Variants in GFM2 observed in about 807,000 individuals in gnomAD.
GFM2 encodes ribosome-releasing factor 2, mitochondrial.
A neutral mutation model predicts 95.4 loss-of-function variants in GFM2; 72 were observed. The observed-to-expected ratio is 0.76, with a 90% CI of 0.62 to 0.92. GFM2 has a LOEUF of 0.92. Among genes scored for constraint, GFM2 ranks in the 40% least tolerant of loss-of-function variants. The pLI is 0.00. For missense variants in GFM2, 825 were observed against 924.1 expected (o/e 0.89, Z 1.39); for synonymous variants, 276 against 317.5 (o/e 0.87, Z 1.39).
intron 2 of GFM2, among the ~76,000 whole-genome samples, chr5:74,762,978 C>T (rs1744357790): frequency 6.6e-6 from 1 of 152,096 alleles, no homozygotes; most frequent in Non-Finnish European, 1.5e-5. Context: ...TATTGTACTC[C>T]CTGTTAAGTC....
intron 2 of GFM2, among the ~76,000 whole-genome samples, chr5:74,762,107 A>G (rs544699148): frequency 6.6e-6 from 1 of 152,208 alleles, no homozygotes; most frequent in Non-Finnish European, 1.5e-5. Flanking sequence ...ATACAGAAAT[A>G]TATCTTCTTC....
chr5:74,751,498 C>T lies in GFM2; in HGVS notation c.305-5G>A. 1.2e-6 allele frequency: 2 copies of T among 1,605,294 alleles called. No homozygotes were observed. The highest frequency in any genetic ancestry group is 8.5e-7 in the Non-Finnish European group (1 of 1,172,616). ...CTGTGTCTCCATCATCAACATCTAGCCAGGAAAAAGATGATACAGTTTAGT... is the reference window on the plus strand; with the variant it reads ...CTGTGTCTCCATCATCAACATCTAGTCAGGAAAAAGATGATACAGTTTAGT... On this transcript the variant is annotated splice_region_variant and splice_polypyrimidine_tract_variant and intron_variant, in intron 5 of 20. Coordinates refer to ENST00000296805, the MANE Select transcript of GFM2 (RefSeq NM_032380.5).
chr5:74,747,235 T>G (rs1743433113), intron 8 of GFM2, among the ~76,000 whole-genome samples: 1 of 152,238 alleles, frequency 6.6e-6, no homozygotes, highest in Admixed American at 6.5e-5. Flanking sequence ...TACATTCTCT[T>G]CTTCCAGTTC....
In GFM2 at chr5:74,763,772, AAAAT is replaced by A. The variant is rs781432653; in HGVS notation, c.-24-10_-24-7del. The A allele has an allele frequency of 2.8e-5, 44 of 1,577,740 alleles. No homozygotes were observed. The highest frequency in any genetic ancestry group is 2.3e-4 in the African/African-American group (17 of 74,178). ...ATCCTCCAAACTGTTACTGTCTGAA[AAAAT>A]AAATATACAAAATCAAAAAACTAAA... On this transcript the variant is annotated splice_region_variant and splice_polypyrimidine_tract_variant and intron_variant, in intron 1 of 20. Coordinates refer to ENST00000296805, the MANE Select transcript of GFM2 (RefSeq NM_032380.5).
chr5:74,755,377 G>A (rs909651120), intron 5 of GFM2, among the ~76,000 whole-genome samples: 2 of 152,066 alleles, frequency 1.3e-5, no homozygotes, highest in Admixed American at 6.6e-5. Context: ...TAAATAACCT[G>A]CTCCTGAAAG....
At chr5:74,748,871 A>G (rs1014458539) in intron 7 of GFM2, among the ~76,000 whole-genome samples, 1 of 132,948 alleles carries the variant, frequency 7.5e-6, no homozygotes, top group African/African-American at 3.0e-5. Context: ...GTCTCAAAAT[A>G]AAATAAAATA....
chr5:74,725,783 A>G (rs754940538), intron 18 of GFM2, 28 bp from the exon 19 acceptor site: 1 of 1,535,388 alleles, frequency 6.5e-7, no homozygotes, highest in South Asian at 1.1e-5. Context: ...ATTGTATCAT[A>G]CTCTGCTAGA....
intron 1 of GFM2, among the ~76,000 whole-genome samples, chr5:74,765,904 C>T (rs952734667): frequency 6.6e-6 from 1 of 152,112 alleles, no homozygotes; most frequent in African/African-American, 2.4e-5. Context: ...GAGGCTGAAC[C>T]TGGAGAATCG....
chr5:74,761,238 C>T (rs1010309794), intron 2 of GFM2, among the ~76,000 whole-genome samples: 3 of 152,218 alleles, frequency 2.0e-5, no homozygotes, highest in Admixed American at 2.0e-4. Flanking sequence ...CAACCTGCAG[C>T]ATTAGCATGG....
Position 74,733,096 on chromosome 5 carries a change from A to C in GFM2, c.1513T>G (p.Leu505Val). ...TGAAGACATTTCAACGCATGTTCCA[A>C]ATCTATGGGATAAACAACTGTTATC... is the stretch of plus-strand genomic sequence containing the variant. ...EPPSLSKQPD[L>V]EHALKCLQRE... The change falls in exon 16 of 21, where the codon TTG (leucine) becomes GTG (valine). Residue 505 changes from leucine to valine, a missense_variant and splice_region_variant. By Grantham distance (32) the Leu-to-Val change is conservative (BLOSUM62 1). Coordinates refer to ENST00000296805, the MANE Select transcript of GFM2 (RefSeq NM_032380.5). 6.2e-7 allele frequency: 1 copy of C among 1,604,760 alleles called. No individual in the cohort carries two copies. Among genetic ancestry groups the C allele is most frequent in the Non-Finnish European group, 8.5e-7 (1 of 1,171,574 alleles).
At chr5:74,727,311 A>G (rs1002435805) in intron 17 of GFM2, among the ~76,000 whole-genome samples, 3 of 152,132 alleles carry the variant, frequency 2.0e-5, no homozygotes, top group East Asian at 3.9e-4. Flanking sequence ...AGCAACCACT[A>G]TCATATGTTA....
At chr5:74,727,644 G>C (rs1750209123) in intron 17 of GFM2, among the ~76,000 whole-genome samples, 2 of 152,260 alleles carry the variant, frequency 1.3e-5, no homozygotes, top group Non-Finnish European at 1.5e-5. Flanking sequence ...TTGGCCAGCA[G>C]AGTCTCTTCA....
At chr5:74,763,372 T>C (rs890923376) in intron 2 of GFM2, among the ~76,000 whole-genome samples, 1 of 152,236 alleles carries the variant, frequency 6.6e-6, no homozygotes, top group Non-Finnish European at 1.5e-5. Context: ...AGTTTAAAGA[T>C]GTGCATTAAG....
Position 74,751,349 on chromosome 5 carries a change from T to C in GFM2, c.430+19A>G, listed in dbSNP as rs1450530306. On this transcript the variant is annotated intron_variant, in intron 6 of 20. Transcript: ENST00000296805. Reference sequence around the variant, plus strand: ...TCCAAATGACGCAGCATCTCTGTGTTACTGGAATCGTACCATACCTGGTGT... The same window carrying C: ...TCCAAATGACGCAGCATCTCTGTGTCACTGGAATCGTACCATACCTGGTGT... The C allele has an allele frequency of 1.2e-6, 2 of 1,603,298 alleles. No individual in the cohort carries two copies. The highest frequency in any genetic ancestry group is 1.7e-6 in the Non-Finnish European group (2 of 1,174,876).
intron 9 of GFM2, 84 bp from the exon 10 acceptor site, chr5:74,745,941 T>G: frequency 2.4e-6 from 3 of 1,264,644 alleles, no homozygotes; most frequent in Non-Finnish European, 3.3e-6. Flanking sequence ...AATTGTACCA[T>G]TTTCCCCAAA....
At chr5:74,740,828 C>A (rs889541238) in intron 11 of GFM2, among the ~76,000 whole-genome samples, 1 of 152,096 alleles carries the variant, frequency 6.6e-6, no homozygotes, top group East Asian at 1.9e-4. Flanking sequence ...CATGTTTCAG[C>A]TCTTGTGTTT....
chr5:74,750,783 A>G (rs1320044829), intron 6 of GFM2, 116 bp from the exon 7 acceptor site: 1 of 679,964 alleles, frequency 1.5e-6, no homozygotes, highest in East Asian at 2.9e-5. Flanking sequence ...GTGTATATAT[A>G]TAAAGGTATT....
At chr5:74,735,016 C>A (rs1742763378) in intron 15 of GFM2, among the ~76,000 whole-genome samples, 1 of 152,192 alleles carries the variant, frequency 6.6e-6, no homozygotes, top group South Asian at 2.1e-4. Flanking sequence ...TAAAATGACT[C>A]TCAAATATAT....
intron 5 of GFM2, among the ~76,000 whole-genome samples, chr5:74,753,191 A>G (rs549375609): frequency 4.0e-4 from 61 of 152,372 alleles, no homozygotes; most frequent in Non-Finnish European, 7.8e-4. Context: ...AAAAATCTCC[A>G]GAGAAACAGC....
Sources: allele counts gnomAD v4.1 joint callset (sites outside exome capture counted in the v4.1 genomes callset), GRCh38; gene constraint gnomAD v4.1.1; transcripts MANE v1.5; gene names NCBI Gene and HGNC (gene_info 2026-07-23, HGNC 2026-07-21).